Variants in CLCA2 observed in about 807,000 individuals in gnomAD.
CLCA2 encodes the protein calcium-activated chloride channel regulator 2.
In CLCA2, 85 loss-of-function variants were observed where a neutral mutation model predicts 82.9. The ratio of observed to expected loss-of-function variants is 1.03; its 90% confidence interval spans 0.86 to 1.23. The LOEUF (loss-of-function observed/expected upper bound fraction) is 1.23. CLCA2 is among the 50% of genes most tolerant of loss of function. The probability of loss-of-function intolerance (pLI) is 0.00; values close to 1 mark genes in which losing one functional copy is unlikely to be tolerated. For synonymous variants in CLCA2, 421 were observed against 391.7 expected (o/e 1.07, Z -0.88); for missense variants, 1,089 against 1,124.8 (o/e 0.97, Z 0.45).
intron 7 of CLCA2, 107 bp downstream of exon 7, chr1:86,439,213 C>A: frequency 1.1e-6 from 1 of 909,624 alleles, no homozygotes; most frequent in Non-Finnish European, 1.7e-6. Flanking sequence ...GTGGTCATAA[C>A]AGCCTCAACT....
intron 12 of CLCA2, among the ~76,000 whole-genome samples, chr1:86,451,049 G>A (rs1233603691): frequency 6.6e-6 from 1 of 152,118 alleles, no homozygotes; most frequent in African/African-American, 2.4e-5. Context: ...TCCTGCTTCC[G>A]TGTTTCCTCT....
At chr1:86,433,054 A>G (rs1357730030) in intron 5 of CLCA2, among the ~76,000 whole-genome samples, 2 of 152,192 alleles carry the variant, frequency 1.3e-5, no homozygotes, top group Non-Finnish European at 2.9e-5. Flanking sequence ...ATAAATCCAG[A>G]ATATTATTTT....
Position 86,439,062 on chromosome 1 carries a change from A to G in CLCA2, c.1159A>G (p.Lys387Glu), listed in dbSNP as rs757797507. ...VSYLPTTVSA[K>E]TDISICSGLK... ...ATATCTGCCCACCACTGTATCAGCT[A>G]AAACAGACATCAGCATTTGTTCAGG... Residue 387 changes from lysine to glutamate, a missense_variant, in exon 7 of 14, where the codon AAA (lysine) becomes GAA (glutamate). Coordinates refer to ENST00000370565, the MANE Select transcript of CLCA2 (RefSeq NM_006536.7). The G allele has an allele frequency of 1.2e-5, 20 of 1,614,050 alleles. No homozygotes were observed. The highest frequency in any genetic ancestry group is 3.3e-5 in the South Asian group (3 of 91,090).
At chr1:86,436,338 GGCCTGCCT>G (rs971705775) in intron 6 of CLCA2, among the ~76,000 whole-genome samples, 1 of 152,086 alleles carries the variant, frequency 6.6e-6, no homozygotes, top group Non-Finnish European at 1.5e-5. Flanking sequence ...CTACGAATCA[GGCCTGCCT>G]GCCTGCCTGC....
At chr1:86,434,799 C>A in intron 6 of CLCA2, 54 bp downstream of exon 6, 1 of 1,389,512 alleles carries the variant, frequency 7.2e-7, no homozygotes, top group Non-Finnish European at 1.0e-6. Context: ...TCTATCAGTT[C>A]TTTATTATCT....
intron 2 of CLCA2, 115 bp from the exon 3 acceptor site, chr1:86,428,303 A>G (rs1662427072): frequency 1.0e-6 from 1 of 961,230 alleles, no homozygotes; most frequent in African/African-American, 1.7e-5. Context: ...ATAATTACAT[A>G]CAATAAAATG....
intron 5 of CLCA2, among the ~76,000 whole-genome samples, chr1:86,433,055 A>G (rs922338021): frequency 3.9e-5 from 6 of 152,198 alleles, no homozygotes; most frequent in African/African-American, 1.4e-4. Context: ...TAAATCCAGA[A>G]TATTATTTTT....
rs774373787 is a variant in CLCA2 at position 86,432,318 on chromosome 1, A to G, written c.585-51A>G. The G allele has an allele frequency of 3.8e-6, 6 of 1,591,898 alleles. No homozygotes were observed. In the African/African-American group the frequency reaches 6.8e-5, roughly 18 times the overall value. Reference sequence around the variant, plus strand: ...TTATATAAGCTAGTCAACAAGAAACATAAGTGTTTCTAAAATAGACCTAAT... The same window carrying G: ...TTATATAAGCTAGTCAACAAGAAACGTAAGTGTTTCTAAAATAGACCTAAT... On this transcript the variant is annotated intron_variant, in intron 4 of 13. Coordinates refer to ENST00000370565, the MANE Select transcript of CLCA2 (RefSeq NM_006536.7).
At chr1:86,430,241 G>A (rs1662467615) in intron 3 of CLCA2, among the ~76,000 whole-genome samples, 1 of 152,122 alleles carries the variant, frequency 6.6e-6, no homozygotes, top group Non-Finnish European at 1.5e-5. Context: ...GAGGATGGGG[G>A]TTTCCCTGAC....
rs780243230 is a variant in CLCA2, at chr1:86,425,470, T to C, written c.318T>C (p.Tyr106=). 6.5e-7 allele frequency: 1 copy of C among 1,541,712 alleles called. No individual in the cohort carries two copies. ...ACAGCAAAATAAAACAAGAATCATA[T>C]GAAAAGGTAAGAATCCAGGATTTCA... ...NNNSKIKQES[Y]EKANVIVTDW... Residue 106 remains tyrosine (Y), a synonymous_variant, in exon 2 of 14, where the codon TAT becomes TAC. Transcript: ENST00000370565.
intron 2 of CLCA2, 65 bp from the exon 3 acceptor site, chr1:86,428,353 T>C (rs1662428348): frequency 6.9e-7 from 1 of 1,451,408 alleles, no homozygotes. Flanking sequence ...CTTTAATGAA[T>C]GTATACATTT....
chr1:86,447,280 TA>T (rs1662871622), intron 10 of CLCA2, among the ~76,000 whole-genome samples: 2 of 152,176 alleles, frequency 1.3e-5, no homozygotes, highest in South Asian at 4.1e-4. Context: ...TGTAATTCCC[TA>T]AAGAATTATC....
chr1:86,438,937 T>C lies in CLCA2; in HGVS notation c.1034T>C (p.Ile345Thr), dbSNP rs140487135. 182 of 1,614,046 alleles carry C rather than the reference T, an allele frequency of 1.1e-4. No individual in the cohort carries two copies. The highest frequency in any genetic ancestry group is 1.4e-4 in the Non-Finnish European group (165 of 1,180,014). Residue 345 changes from isoleucine to threonine, a missense_variant, in exon 7 of 14, where the codon ATT becomes ACT. Physicochemically the swap from Ile to Thr is moderately conservative, Grantham distance 89. Coordinates refer to ENST00000370565, the MANE Select transcript of CLCA2 (RefSeq NM_006536.7). Reference protein sequence around the residue: ...AEFYLMQIVEIHTFVGIASFD... With the variant: ...AEFYLMQIVETHTFVGIASFD... ...TTTTATTTGATGCAGATTGTTGAAA[T>C]TCATACCTTCGTGGGCATTGCCAGT...
chr1:86,427,570 AC>A (rs1662413675), intron 2 of CLCA2, among the ~76,000 whole-genome samples: 1 of 151,766 alleles, frequency 6.6e-6, no homozygotes, highest in African/African-American at 2.4e-5. Context: ...ACACACACAC[AC>A]ACAAAACACA....
intron 6 of CLCA2, among the ~76,000 whole-genome samples, chr1:86,436,386 TC>T (rs1270277460): frequency 1.1e-4 from 16 of 152,200 alleles, no homozygotes; most frequent in Non-Finnish European, 2.2e-4. Flanking sequence ...CCTTTTCCCT[TC>T]CTTTATTTTA....
At chr1:86,438,241 A>G (rs1438546214) in intron 6 of CLCA2, among the ~76,000 whole-genome samples, 1 of 152,204 alleles carries the variant, frequency 6.6e-6, no homozygotes, top group Non-Finnish European at 1.5e-5. Flanking sequence ...AAGTTACCCT[A>G]GTGAATTAAT....
chr1:86,435,356 A>G (rs1363250421), intron 6 of CLCA2, among the ~76,000 whole-genome samples: 1 of 152,232 alleles, frequency 6.6e-6, no homozygotes, highest in Non-Finnish European at 1.5e-5. Context: ...CTTATGTATA[A>G]TGAAAAGTTC....
At position 86,453,347 on chromosome 1, in the gene CLCA2, T is replaced by A. The variant is rs756213948; in HGVS notation, c.2156-22T>A. The A allele has an allele frequency of 8.2e-6, 13 of 1,591,068 alleles. 1 individual carries two copies. In the South Asian group the frequency reaches 1.5e-4, roughly 18 times the overall value. On this transcript the variant is annotated intron_variant, in intron 12 of 13. Transcript: ENST00000370565. The stretch of plus-strand genomic sequence containing the variant: ...AGCTTTGTAATTTGTCATTTTGCCT[T>A]TTTTTTTCTTTTTTGTCTCAGGTAA...
In CLCA2 at chr1:86,432,544, G is replaced by T; in HGVS notation, c.744+16G>T. Reference sequence around the variant, plus strand: ...TTTATCTTCTGTAAGTATGCCCTTGGAATGACACACTCTTGCAGGATTCCT... The same window carrying T: ...TTTATCTTCTGTAAGTATGCCCTTGTAATGACACACTCTTGCAGGATTCCT... On this transcript the variant is annotated intron_variant, in intron 5 of 13. Coordinates refer to ENST00000370565, the MANE Select transcript of CLCA2 (RefSeq NM_006536.7). The T allele has an allele frequency of 1.2e-6, 2 of 1,610,862 alleles. No individual in the cohort carries two copies. Among genetic ancestry groups the T allele is most frequent in the East Asian group, 2.2e-5 (1 of 44,820 alleles).
Sources: gnomAD v4.1 joint callset for allele counts (sites outside exome capture counted in the v4.1 genomes callset) on GRCh38, gnomAD v4.1.1 for gene constraint, MANE v1.5 for transcripts, NCBI Gene and HGNC (gene_info 2026-07-23, HGNC 2026-07-21) for gene names.